Variants in ABCA12 observed in about 807,000 individuals in gnomAD.
The protein encoded by ABCA12 is ATP binding cassette subfamily A member 12, also known as glucosylceramide transporter ABCA12.
In ABCA12, 156 loss-of-function variants were observed where a neutral mutation model predicts 293.5. That is an observed-to-expected ratio of 0.53 (90% CI 0.47 to 0.61). The LOEUF (loss-of-function observed/expected upper bound fraction) is 0.61. Ranked by LOEUF, ABCA12 falls within the 20% of genes least tolerant of loss-of-function variation. The pLI is 0.00. For synonymous variants in ABCA12, 1,063 were observed against 1,108.0 expected (o/e 0.96, Z 0.81); for missense variants, 2,797 against 3,090.2 (o/e 0.91, Z 2.25).
chr2:215,091,404 T>A (rs1459334244), intron 2 of ABCA12, among the ~76,000 whole-genome samples: 1 of 152,180 alleles, frequency 6.6e-6, no homozygotes, highest in East Asian at 1.9e-4. Flanking sequence ...TGGCTGGAGC[T>A]GTAGGCGTAG....
intron 7 of ABCA12, among the ~76,000 whole-genome samples, chr2:215,042,983 C>A (rs567298998): frequency 6.6e-6 from 1 of 152,070 alleles, no homozygotes; most frequent in Admixed American, 6.6e-5. Context: ...TGTTGAGGAA[C>A]CTCCATATTA....
chr2:215,067,688 G>A (rs1055855788), intron 2 of ABCA12, among the ~76,000 whole-genome samples: 2 of 152,084 alleles, frequency 1.3e-5, no homozygotes, highest in East Asian at 1.9e-4. Context: ...TTTCTCAGGG[G>A]CCCCAGGCAA....
chr2:214,948,762 A>C (rs1387556056), intron 46 of ABCA12, 25 bp from the exon 47 acceptor site: 1 of 1,613,914 alleles, frequency 6.2e-7, no homozygotes, highest in Admixed American at 1.7e-5. Context: ...TCAAAAACAC[A>C]GATGAATTTC....
chr2:214,961,898 T>G, intron 39 of ABCA12: 1 of 152,184 alleles, frequency 6.6e-6, no homozygotes, highest in South Asian at 2.1e-4. Flanking sequence ...AGTATTGGAC[T>G]CTTCGGTCTA....
chr2:215,041,213 A>T (rs1337003879), intron 7 of ABCA12, among the ~76,000 whole-genome samples: 1 of 152,214 alleles, frequency 6.6e-6, no homozygotes, highest in East Asian at 1.9e-4. Flanking sequence ...AAATAAAAAG[A>T]AATACTGCTG....
intron 7 of ABCA12, among the ~76,000 whole-genome samples, 160 bp downstream of exon 7, chr2:215,045,677 T>G (rs1337261989): frequency 6.6e-6 from 1 of 152,172 alleles, no homozygotes; most frequent in Non-Finnish European, 1.5e-5. Context: ...TTTGCTTAAC[T>G]AATACACTCA....
intron 26 of ABCA12, 74 bp from the exon 27 acceptor site, chr2:214,987,867 G>T: frequency 6.5e-7 from 1 of 1,545,996 alleles, no homozygotes; most frequent in South Asian, 1.2e-5. Context: ...CAAAACAGTA[G>T]ATCCTATGTA....
chr2:215,045,790 C>G (rs767796920), intron 7 of ABCA12, 47 bp downstream of exon 7: 9 of 1,557,836 alleles, frequency 5.8e-6, no homozygotes, highest in Non-Finnish European at 7.9e-6. Context: ...TTTTTAAACA[C>G]TTCTTTGTGA....
chr2:214,959,199 G>T, intron 39 of ABCA12, 121 bp from the exon 40 acceptor site: 3 of 907,270 alleles, frequency 3.3e-6, no homozygotes, highest in South Asian at 1.5e-5. Flanking sequence ...TTTATTTGGG[G>T]GACCTTTTTT....
In ABCA12 at chr2:215,029,005, G is replaced by A. The variant is rs1355510100; in HGVS notation, c.1062-2067C>T. Reference sequence around the variant, plus strand: ...TGAGAATCCAAGACGTCAAAGAAGAGACAAATGAAACTATGAGAATAATTA... The same window carrying A: ...TGAGAATCCAAGACGTCAAAGAAGAAACAAATGAAACTATGAGAATAATTA... On this transcript the variant is annotated intron_variant, in intron 9 of 52. Transcript: ENST00000272895. 55 of 152,160 alleles carry A rather than the reference G, an allele frequency of 3.6e-4. 3 individuals carry two copies. Among genetic ancestry groups the A allele is most frequent in the Admixed American group, 3.6e-3 (55 of 15,276 alleles). The allele number at this position is 152,160 out of a possible 1,614,324, so 9.4% of individuals were successfully genotyped here.
In ABCA12 at chr2:214,989,434, G is replaced by A. The variant is rs868391784; in HGVS notation, c.3724C>T (p.Pro1242Ser). Residue 1242 changes from proline to serine, a missense_variant, in exon 26 of 53, where the codon CCG (proline) becomes TCG (serine). Coordinates refer to ENST00000272895, the MANE Select transcript of ABCA12 (RefSeq NM_173076.3). ...GLQWENMYTS[P>S]VQDDTTSFGW... ...AATGAGGTGGTGTCATCCTGAACCG[G>A]GGAGGTGTACATATTTTCCCACTGA... The A allele has an allele frequency of 6.2e-7, 1 of 1,613,546 alleles. No homozygotes were observed. The highest frequency in any genetic ancestry group is 8.5e-7 in the Non-Finnish European group (1 of 1,179,906).
At chr2:215,138,101 GC>G in intron 1 of ABCA12, 38 bp downstream of exon 1, 1 of 1,585,994 alleles carries the variant, frequency 6.3e-7, no homozygotes. Context: ...CTGGCGTATT[GC>G]CCCATGACCC....
At chr2:214,983,502 A>G (rs1699715879) in intron 29 of ABCA12, 145 bp downstream of exon 29, 2 of 787,922 alleles carry the variant, frequency 2.5e-6, no homozygotes, top group Non-Finnish European at 4.3e-6. Flanking sequence ...AAATGTTTGC[A>G]ATATTAAATA....
chr2:215,089,129 A>T (rs1400808382), intron 2 of ABCA12, among the ~76,000 whole-genome samples: 1 of 152,166 alleles, frequency 6.6e-6, no homozygotes, highest in Non-Finnish European at 1.5e-5. Flanking sequence ...ACAAGATAGC[A>T]ATAACTAAAG....
At chr2:214,987,592 T>G in intron 27 of ABCA12, 55 bp downstream of exon 27, 2 of 1,576,488 alleles carry the variant, frequency 1.3e-6, no homozygotes, top group Non-Finnish European at 1.7e-6. Flanking sequence ...ACTAGTCATG[T>G]AATTTCATAT....
chr2:214,976,639 C>G (rs776617656), intron 33 of ABCA12, among the ~76,000 whole-genome samples: 1 of 152,068 alleles, frequency 6.6e-6, no homozygotes, highest in Non-Finnish European at 1.5e-5. Flanking sequence ...ATTACATTCT[C>G]TTTAGAAATT....
At chr2:214,985,718 G>T (rs1170708960) in intron 28 of ABCA12, among the ~76,000 whole-genome samples, 2 of 152,068 alleles carry the variant, frequency 1.3e-5, no homozygotes, top group African/African-American at 4.8e-5. Flanking sequence ...CAGTGTTTTT[G>T]CAGTCACTGA....
chr2:215,049,277 G>A (rs1486745506), intron 6 of ABCA12, among the ~76,000 whole-genome samples: 5 of 152,140 alleles, frequency 3.3e-5, no homozygotes, highest in African/African-American at 9.7e-5. Context: ...ATATGACTGT[G>A]ACAGTTTAAT....
chr2:214,951,013 C>G lies in ABCA12; in HGVS notation c.6718G>C (p.Glu2240Gln). The G allele has an allele frequency of 6.2e-7, 1 of 1,614,168 alleles. No individual in the cohort carries two copies. The highest frequency in any genetic ancestry group is 8.5e-7 in the Non-Finnish European group (1 of 1,180,024). Residue 2240 changes from glutamate to glutamine, a missense_variant, in exon 45 of 53, where the codon GAG becomes CAG. Physicochemically the swap from Glu to Gln is conservative, Grantham distance 29. Coordinates refer to ENST00000272895, the MANE Select transcript of ABCA12 (RefSeq NM_173076.3). ...TIDEDEDVRA[E>Q]RLRVESGAAE... is the part of the protein sequence containing the mutation. The stretch of plus-strand genomic sequence containing the variant: ...GCACCACTCTCAACTCTTAATCTCT[C>G]AGCCCGCACATCTTCATCCTCATCT...
Sources: gnomAD v4.1 joint callset for allele counts (sites outside exome capture counted in the v4.1 genomes callset) on GRCh38, gnomAD v4.1.1 for gene constraint, MANE v1.5 for transcripts, NCBI Gene and HGNC (gene_info 2026-07-23, HGNC 2026-07-21) for gene names.